NCALD: variants seen among roughly 807,000 people sequenced by gnomAD.
NCALD encodes the protein neurocalcin delta, also known as neurocalcin-delta.
NCALD carries 10 observed loss-of-function variants against 18.6 expected under a neutral mutation model. That is an observed-to-expected ratio of 0.54 (90% confidence interval 0.33 to 0.91). The LOEUF is 0.91. Ranked by LOEUF, NCALD falls within the 40% of genes least tolerant of loss-of-function variation. NCALD has a pLI of 0.03. For missense variants in NCALD, 184 were observed against 247.6 expected, an observed-to-expected ratio of 0.74 and a Z score of 1.72; for synonymous variants, 88 against 87.4, an observed-to-expected ratio of 1.01 and a Z score of -0.04.
At chr8:101,990,236 T>C (rs776770166) in intron 2 of NCALD, among the ~76,000 whole-genome samples, 1 of 152,212 alleles carries the variant, frequency 6.6e-6, no homozygotes, top group Non-Finnish European at 1.5e-5. Flanking sequence ...GAACAGGTAA[T>C]TCTTACAAAA....
At position 102,056,207 on chromosome 8, in the gene NCALD, T is replaced by C. The variant is rs187442349; in HGVS notation, c.-209-35918A>G. Among the ~76,000 whole-genome samples the C allele has an allele frequency of 4.6e-4, 70 of 152,356 alleles. 4 individuals carry two copies. Among genetic ancestry groups the C allele is most frequent in the Admixed American group, 4.1e-3 (62 of 15,306 alleles). ...TTATTTCTCAATTTTTGAGAAAGAATTTGTGTAACTTCTCTAGTAAGAACA... is the reference window on the plus strand; with the variant it reads ...TTATTTCTCAATTTTTGAGAAAGAACTTGTGTAACTTCTCTAGTAAGAACA... On this transcript the variant is annotated intron_variant, in intron 1 of 6. Coordinates refer to the NCALD transcript ENST00000311028.
chr8:101,795,093 A>G (rs1313886565), upstream of NCALD, among the ~76,000 whole-genome samples: 1 of 152,220 alleles, frequency 6.6e-6, no homozygotes, highest in Non-Finnish European at 1.5e-5. Flanking sequence ...CTAAATTATT[A>G]TAGTCTTAGC....
intron 1 of NCALD, among the ~76,000 whole-genome samples, chr8:102,022,776 G>T (rs917230004): frequency 6.6e-6 from 1 of 152,132 alleles, no homozygotes; most frequent in Non-Finnish European, 1.5e-5. Flanking sequence ...TCTGCTGGAA[G>T]AAGGTATGGA....
chr8:102,113,144 A>T (rs887511502), intron 1 of NCALD, among the ~76,000 whole-genome samples: 11 of 152,212 alleles, frequency 7.2e-5, no homozygotes, highest in Admixed American at 7.2e-4. Context: ...AGACAGACCT[A>T]AAAATAGTTT....
intron 2 of NCALD, among the ~76,000 whole-genome samples, chr8:101,920,143 A>T (rs747019438): frequency 6.6e-6 from 1 of 151,986 alleles, no homozygotes; most frequent in South Asian, 2.1e-4. Context: ...TGTAGTCCCA[A>T]CTATTTGGGA....
chr8:102,086,916 T>C (rs1435465161), intron 1 of NCALD, among the ~76,000 whole-genome samples: 4 of 152,318 alleles, frequency 2.6e-5, no homozygotes, highest in Admixed American at 2.6e-4. Context: ...TTGGTCGTCC[T>C]CACTGCTACA....
chr8:101,790,592 G>T (rs2131016833), intron 1 of NCALD, among the ~76,000 whole-genome samples: 1 of 152,300 alleles, frequency 6.6e-6, no homozygotes, highest in Non-Finnish European at 1.5e-5. Context: ...GGCTCAAGCT[G>T]CAAAATCCGT....
chr8:101,755,593 C>A (rs1384764499), intron 1 of NCALD, among the ~76,000 whole-genome samples: 1 of 152,182 alleles, frequency 6.6e-6, no homozygotes, highest in Non-Finnish European at 1.5e-5. Flanking sequence ...GCTTTACCCT[C>A]CAGCAGCTTT....
intron 1 of NCALD, among the ~76,000 whole-genome samples, chr8:102,051,449 C>T (rs1014110584): frequency 2.0e-5 from 3 of 152,154 alleles, no homozygotes; most frequent in Admixed American, 2.0e-4. Context: ...GCAATTCTCA[C>T]AGTTTCTAAT....
intron 3 of NCALD, among the ~76,000 whole-genome samples, chr8:101,906,830 G>A (rs543054896): frequency 6.6e-6 from 1 of 152,306 alleles, no homozygotes; most frequent in East Asian, 1.9e-4. Context: ...AGGCCAGATA[G>A]GTGAGCAGCC....
intron 1 of NCALD, among the ~76,000 whole-genome samples, chr8:102,105,556 T>C (rs377325296): frequency 2.0e-5 from 3 of 152,220 alleles, no homozygotes; most frequent in Admixed American, 6.5e-5. Flanking sequence ...TACAGACTTA[T>C]GGGTTTGGTT....
intron 4 of NCALD, among the ~76,000 whole-genome samples, chr8:101,835,843 ATATCT>A (rs1442494903): frequency 1.3e-5 from 2 of 152,162 alleles, no homozygotes; most frequent in African/African-American, 4.8e-5. Flanking sequence ...AGCTGTGGAC[ATATCT>A]TAGAATAGAG....
intron 1 of NCALD, among the ~76,000 whole-genome samples, chr8:102,062,637 T>C (rs1056798953): frequency 6.6e-6 from 1 of 152,244 alleles, no homozygotes; most frequent in South Asian, 2.1e-4. Context: ...TATTTCTTGC[T>C]CACAGATCTG....
chr8:101,874,522 C>T (rs1228164366), intron 4 of NCALD, among the ~76,000 whole-genome samples: 3 of 152,150 alleles, frequency 2.0e-5, no homozygotes, highest in East Asian at 1.9e-4. Flanking sequence ...CGAACAGCTG[C>T]GTTTTTCTTA....
intron 2 of NCALD, among the ~76,000 whole-genome samples, chr8:101,945,455 G>T (rs1318247236): frequency 6.6e-6 from 1 of 152,200 alleles, no homozygotes; most frequent in Non-Finnish European, 1.5e-5. Flanking sequence ...AAATGGAAAA[G>T]AGGTAAGAGA....
At chr8:101,710,369 G>GT (rs143899233) in intron 2 of NCALD, among the ~76,000 whole-genome samples, 31 of 151,578 alleles carry the variant, frequency 2.0e-4, no homozygotes, top group African/African-American at 4.6e-4. Flanking sequence ...AGCTGCAGAT[G>GT]TTTTTTTTTG....
At chr8:101,729,018 G>A (rs1416419295) in intron 1 of NCALD, among the ~76,000 whole-genome samples, 2 of 152,194 alleles carry the variant, frequency 1.3e-5, no homozygotes, top group Non-Finnish European at 2.9e-5. Flanking sequence ...AGGAGTATGT[G>A]TTCATTTACC....
intron 1 of NCALD, among the ~76,000 whole-genome samples, chr8:102,097,169 G>A (rs1487179832): frequency 4.6e-5 from 7 of 152,174 alleles, no homozygotes; most frequent in East Asian, 1.9e-4. Context: ...CATAGTATTC[G>A]TTTACCTAAG....
intron 4 of NCALD, among the ~76,000 whole-genome samples, chr8:101,877,283 C>T (rs1161977817): frequency 6.6e-6 from 1 of 152,212 alleles, no homozygotes; most frequent in Non-Finnish European, 1.5e-5. Flanking sequence ...TAACAACCCT[C>T]TGGTTTACAG....
Sources: gnomAD v4.1 joint callset for allele counts (sites outside exome capture counted in the v4.1 genomes callset) on GRCh38, gnomAD v4.1.1 for gene constraint, MANE v1.5 for transcripts, NCBI Gene and HGNC (gene_info 2026-07-23, HGNC 2026-07-21) for gene names.